ADIPOR2: variants seen among roughly 807,000 people sequenced by gnomAD.
ADIPOR2 encodes adiponectin receptor protein 2.
Under a neutral mutation model 40.9 loss-of-function variants are expected in ADIPOR2, and 18 were observed. That is an observed-to-expected ratio of 0.44 (90% CI 0.30 to 0.65). The LOEUF (loss-of-function observed/expected upper bound fraction) is 0.65. ADIPOR2 is among the 30% of genes least tolerant of loss of function. The probability of loss-of-function intolerance (pLI) is 0.09; values close to 1 mark genes in which losing one functional copy is unlikely to be tolerated. For synonymous variants in ADIPOR2, 165 were observed against 166.4 expected (o/e 0.99, Z 0.06); for missense variants, 283 against 479.2 (o/e 0.59, Z 3.82).
intron 1 of ADIPOR2, among the ~76,000 whole-genome samples, chr12:1,741,955 C>T (rs1369920360): frequency 6.6e-6 from 1 of 151,548 alleles, no homozygotes; most frequent in African/African-American, 2.4e-5. Context: ...TGAACTATAT[C>T]TCTTTCAAAA....
intron 1 of ADIPOR2, among the ~76,000 whole-genome samples, chr12:1,728,115 A>G (rs1301242827): frequency 1.4e-5 from 2 of 144,698 alleles, no homozygotes; most frequent in Non-Finnish European, 3.0e-5. Context: ...TTTGTGTTAG[A>G]TTTTTTTTTT....
At chr12:1,776,262 G>A (rs1039696303) in intron 3 of ADIPOR2, among the ~76,000 whole-genome samples, 1 of 152,212 alleles carries the variant, frequency 6.6e-6, no homozygotes, top group African/African-American at 2.4e-5. Flanking sequence ...AACAGGTTGT[G>A]GAGCAAAAGG....
chr12:1,700,331 T>C (rs1483805269), intron 1 of ADIPOR2, among the ~76,000 whole-genome samples: 1 of 152,240 alleles, frequency 6.6e-6, no homozygotes, highest in Non-Finnish European at 1.5e-5. Context: ...TTAGTGAACA[T>C]GTATGCCTAG....
At position 1,777,191 on chromosome 12, in the gene ADIPOR2, G is replaced by C. The variant is rs74471463; in HGVS notation, c.292-663G>C. ...AAAATGTTCATATTAACACCACAGGGATTTATCAGAGGTAAAGTCTGTTAT... is the reference window on the plus strand; with the variant it reads ...AAAATGTTCATATTAACACCACAGGCATTTATCAGAGGTAAAGTCTGTTAT... On this transcript the variant is annotated intron_variant, in intron 3 of 7. Transcript: ENST00000357103. Among the ~76,000 whole-genome samples the C allele has an allele frequency of 7.9e-3, 1,022 of 129,376 alleles. 9 individuals are homozygous for C. The highest frequency in any genetic ancestry group is 0.028 in the African/African-American group (966 of 34,790). 84.9% of individuals were successfully genotyped at this position (129,376 alleles called of 152,430 possible).
At chr12:1,746,855 C>A (rs2094756126) in intron 1 of ADIPOR2, among the ~76,000 whole-genome samples, 2 of 152,100 alleles carry the variant, frequency 1.3e-5, no homozygotes. Context: ...ATAGTGAGAC[C>A]TTGTCTCTAC....
At chr12:1,709,650 G>A (rs888608060) in intron 1 of ADIPOR2, among the ~76,000 whole-genome samples, 1 of 152,174 alleles carries the variant, frequency 6.6e-6, no homozygotes, top group Non-Finnish European at 1.5e-5. Flanking sequence ...TTGGATATAA[G>A]TGGAGACATG....
intron 1 of ADIPOR2, among the ~76,000 whole-genome samples, chr12:1,699,707 C>G (rs1361423046): frequency 6.6e-6 from 1 of 152,202 alleles, no homozygotes. Flanking sequence ...TGTTGTCTCT[C>G]ATCTTTCAAC....
chr12:1,764,781 G>A (rs563092822), intron 2 of ADIPOR2, among the ~76,000 whole-genome samples: 2 of 152,096 alleles, frequency 1.3e-5, no homozygotes, highest in African/African-American at 4.8e-5. Flanking sequence ...TTATCTCATT[G>A]TAATCATTCC....
At chr12:1,773,601 G>T (rs751668985) in intron 3 of ADIPOR2, among the ~76,000 whole-genome samples, 1 of 150,138 alleles carries the variant, frequency 6.7e-6, no homozygotes, top group Non-Finnish European at 1.5e-5. Context: ...AAACTTGTAG[G>T]TACTTGATCA....
intron 2 of ADIPOR2, among the ~76,000 whole-genome samples, chr12:1,764,588 C>CACACATAT (rs1555170937): frequency 7.1e-6 from 1 of 139,920 alleles, no homozygotes; most frequent in African/African-American, 2.5e-5. Flanking sequence ...CACACACACA[C>CACACATAT]ACGTAGATAT....
At position 1,786,170 on chromosome 12, in the gene ADIPOR2, A is replaced by G; in HGVS notation, c.*98A>G. The G allele has an allele frequency of 3.4e-6, 5 of 1,488,924 alleles. No individual in the cohort carries two copies. The highest frequency in any genetic ancestry group is 4.5e-6 in the Non-Finnish European group (5 of 1,107,440). The allele number at this position is 1,488,924 out of a possible 1,614,324, so 92.2% of individuals were successfully genotyped here. A position where few individuals can be genotyped will look rare whatever the true frequency, so the allele number is the denominator to read the frequency against. ...TGATGCCAGTACCAGAGGAGCCCCA[A>G]AACTTTGACAGCCTCGTGGGCTTTG... On this transcript the variant is annotated 3_prime_UTR_variant, in exon 8 of 8. Transcript: ENST00000357103.
At chr12:1,754,637 A>G in intron 2 of ADIPOR2, 123 bp downstream of exon 2, 1 of 932,282 alleles carries the variant, frequency 1.1e-6, no homozygotes, top group South Asian at 2.1e-5. Context: ...TAAGAAGGAA[A>G]CTTGCACATT....
intron 1 of ADIPOR2, among the ~76,000 whole-genome samples, chr12:1,699,056 T>G (rs1196714563): frequency 6.6e-6 from 1 of 152,188 alleles, no homozygotes; most frequent in East Asian, 1.9e-4. Flanking sequence ...CATTCTCTGC[T>G]TGGCTCTTGA....
chr12:1,728,179 C>T (rs570932130), intron 1 of ADIPOR2, among the ~76,000 whole-genome samples: 1 of 151,662 alleles, frequency 6.6e-6, no homozygotes, highest in Non-Finnish European at 1.5e-5. Context: ...GTGGCGCGAT[C>T]TCAGCTCACT....
intron 1 of ADIPOR2, among the ~76,000 whole-genome samples, chr12:1,704,091 A>G (rs2094656981): frequency 2.1e-5 from 2 of 96,416 alleles, no homozygotes; most frequent in Admixed American, 1.5e-4. Flanking sequence ...GTGTGATGTG[A>G]GGCAGGGATC....
At chr12:1,706,007 G>A (rs1285575501) in intron 1 of ADIPOR2, among the ~76,000 whole-genome samples, 1 of 152,124 alleles carries the variant, frequency 6.6e-6, no homozygotes, top group Non-Finnish European at 1.5e-5. Context: ...ATAGGTGAAG[G>A]GTCAACTACT....
At chr12:1,762,007 A>G (rs1451487131) in intron 2 of ADIPOR2, among the ~76,000 whole-genome samples, 2 of 152,150 alleles carry the variant, frequency 1.3e-5, no homozygotes, top group Admixed American at 1.3e-4. Flanking sequence ...GGCCAACTTC[A>G]TTTCAGGACA....
At chr12:1,782,443 G>A (rs559569129) in intron 6 of ADIPOR2, among the ~76,000 whole-genome samples, 1 of 152,300 alleles carries the variant, frequency 6.6e-6, no homozygotes, top group South Asian at 2.1e-4. Flanking sequence ...ACTGGCAGAG[G>A]CAGGGAGCTC....
intron 1 of ADIPOR2, among the ~76,000 whole-genome samples, chr12:1,750,139 T>C (rs1176071853): frequency 6.6e-6 from 1 of 152,162 alleles, no homozygotes; most frequent in Non-Finnish European, 1.5e-5. Flanking sequence ...TTTTGGAATT[T>C]TTAGCATATA....
Sources: allele counts gnomAD v4.1 joint callset (sites outside exome capture counted in the v4.1 genomes callset), GRCh38; gene constraint gnomAD v4.1.1; transcripts MANE v1.5; gene names NCBI Gene and HGNC (gene_info 2026-07-23, HGNC 2026-07-21).